The following STAG1 variants were observed in gnomAD, a reference collection of about 807,000 sequenced individuals.
STAG1 encodes the protein cohesin subunit SA-1.
In STAG1, 26 loss-of-function variants were observed where a neutral mutation model predicts 170.9. The ratio of observed to expected loss-of-function variants is 0.15; its 90% CI spans 0.11 to 0.21. The LOEUF (loss-of-function observed/expected upper bound fraction) is 0.21, where lower values mean the gene tolerates loss of function less well. STAG1 is among the 10% of genes least tolerant of loss of function. The pLI is 1.00. For missense variants in STAG1, 964 were observed against 1,509.5 expected, an observed-to-expected ratio of 0.64 and a Z score of 5.99; for synonymous variants, 514 against 497.7, an observed-to-expected ratio of 1.03 and a Z score of -0.44.
At chr3:136,391,167 G>A (rs2086998999) in intron 22 of STAG1, among the ~76,000 whole-genome samples, 2 of 152,056 alleles carry the variant, frequency 1.3e-5, no homozygotes, top group African/African-American at 4.8e-5. Flanking sequence ...TTTGAAATAG[G>A]GTGAGGGTCC....
chr3:136,667,593 C>G (rs1576739345), intron 1 of STAG1, among the ~76,000 whole-genome samples: 1 of 152,206 alleles, frequency 6.6e-6, no homozygotes, highest in East Asian at 1.9e-4. Context: ...GCCTCCCAAG[C>G]TCCAGTGATT....
In STAG1 at chr3:136,654,566, CT is replaced by C. The variant is rs1400460397; in HGVS notation, c.-83-23586del. Among the ~76,000 whole-genome samples the C allele has an allele frequency of 2.0e-5, 3 of 152,250 alleles. No homozygotes were observed. The East Asian group carries it at 5.8e-4, about 29-fold the overall frequency. On this transcript the variant is annotated intron_variant, in intron 1 of 33. Transcript: ENST00000383202. ...ATGTATCAATACTACCAAAAGCAGT[CT>C]GCAGATTCAATGCAAACCCTTTCAA...
intron 1 of STAG1, among the ~76,000 whole-genome samples, chr3:136,705,761 C>T (rs902007343): frequency 1.1e-4 from 17 of 152,264 alleles, no homozygotes; most frequent in African/African-American, 2.2e-4. Context: ...GTCAATTAAA[C>T]TTCTTTCCTT....
intron 2 of STAG1, among the ~76,000 whole-genome samples, chr3:136,628,521 G>C (rs574091601): frequency 3.9e-5 from 6 of 152,196 alleles, no homozygotes; most frequent in African/African-American, 1.4e-4. Context: ...CAGGGTCCTT[G>C]CATGACATAA....
chr3:136,704,422 TTAAAAG>T (rs973563905), intron 1 of STAG1, among the ~76,000 whole-genome samples: 3 of 151,802 alleles, frequency 2.0e-5, no homozygotes, highest in Admixed American at 1.3e-4. Flanking sequence ...CACATATAAC[TTAAAAG>T]TAAAAGGATG....
At chr3:136,726,498 A>C (rs1047472267) in intron 1 of STAG1, among the ~76,000 whole-genome samples, 1 of 152,218 alleles carries the variant, frequency 6.6e-6, no homozygotes, top group African/African-American at 2.4e-5. Context: ...ATCTCGGCTC[A>C]CTGCAACCTC....
At chr3:136,407,692 C>T (rs1239111990) in intron 21 of STAG1, among the ~76,000 whole-genome samples, 1 of 152,018 alleles carries the variant, frequency 6.6e-6, no homozygotes, top group East Asian at 1.9e-4. Flanking sequence ...GAACTCCTGA[C>T]CTCAGGTGAT....
chr3:136,696,893 G>A (rs1942911887), intron 1 of STAG1, among the ~76,000 whole-genome samples: 1 of 152,062 alleles, frequency 6.6e-6, no homozygotes, highest in Non-Finnish European at 1.5e-5. Flanking sequence ...GATCAAAAAG[G>A]GTATGAGGGA....
At chr3:136,610,208 T>C (rs1939200244) in intron 3 of STAG1, among the ~76,000 whole-genome samples, 1 of 152,066 alleles carries the variant, frequency 6.6e-6, no homozygotes, top group African/African-American at 2.4e-5. Context: ...AGCTAATCTT[T>C]GTATTCTTAG....
At chr3:136,465,491 G>T (rs1242417706) in intron 12 of STAG1, among the ~76,000 whole-genome samples, 2 of 138,478 alleles carry the variant, frequency 1.4e-5, no homozygotes, top group African/African-American at 5.4e-5. Flanking sequence ...AAAATGCTGG[G>T]ATTATAGGTG....
intron 5 of STAG1, among the ~76,000 whole-genome samples, chr3:136,566,096 AGAGAGAGGTGGTAACTG>A (rs1937066786): frequency 6.6e-6 from 1 of 152,186 alleles, no homozygotes; most frequent in Non-Finnish European, 1.5e-5. Flanking sequence ...TTTTGAGAAA[AGAGAGAGGTGGTAACTG>A]CTACAATGGA....
chr3:136,377,826 G>A (rs374906025), intron 22 of STAG1, 74 bp from the exon 23 acceptor site: 2 of 1,238,756 alleles, frequency 1.6e-6, no homozygotes, highest in Non-Finnish European at 2.4e-6. Flanking sequence ...AACAGTAAGT[G>A]GAAAATAGCA....
intron 1 of STAG1, among the ~76,000 whole-genome samples, chr3:136,645,718 T>C (rs2107850810): frequency 6.6e-6 from 1 of 152,306 alleles, no homozygotes; most frequent in South Asian, 2.1e-4. Context: ...AGAAATAGTC[T>C]CCTACACTCT....
At chr3:136,404,479 G>A (rs1021641897) in intron 21 of STAG1, among the ~76,000 whole-genome samples, 2 of 152,112 alleles carry the variant, frequency 1.3e-5, no homozygotes, top group Non-Finnish European at 2.9e-5. Context: ...GAATGACTGG[G>A]GAGAGCAATT....
intron 23 of STAG1, among the ~76,000 whole-genome samples, chr3:136,372,868 G>C (rs1443275583): frequency 5.3e-5 from 8 of 152,186 alleles, no homozygotes; most frequent in Non-Finnish European, 1.2e-4. Context: ...CTCATAAAAT[G>C]AGTTAGGGAG....
rs1336012973 is a variant in STAG1, at chr3:136,597,074, T to C, written c.297+7235A>G. On this transcript the variant is annotated intron_variant, in intron 4 of 33. Coordinates refer to ENST00000383202, the MANE Select transcript of STAG1 (RefSeq NM_005862.3). ...CTGCGCGACAGAGCGAGACTGTATC[T>C]TAAAAAAAAATTTTTTTTCAGAGTT... 2.6e-5 allele frequency among the ~76,000 whole-genome samples: 4 copies of C among 152,176 alleles called. No individual in the cohort carries two copies. In the East Asian group the frequency reaches 7.7e-4, roughly 29 times the overall value.
chr3:136,526,137 T>G (rs1261629167), intron 6 of STAG1, among the ~76,000 whole-genome samples: 1 of 152,174 alleles, frequency 6.6e-6, no homozygotes, highest in Non-Finnish European at 1.5e-5. Flanking sequence ...CTGAGTTCAA[T>G]TCCTGGATAT....
chr3:136,504,369 T>A (rs1247930776), intron 7 of STAG1, among the ~76,000 whole-genome samples: 1 of 152,228 alleles, frequency 6.6e-6, no homozygotes, highest in African/African-American at 2.4e-5. Flanking sequence ...GATTTTTGCA[T>A]TAGAAATGAA....
intron 22 of STAG1, among the ~76,000 whole-genome samples, chr3:136,386,133 T>G (rs863211): frequency 6.6e-6 from 1 of 152,038 alleles, no homozygotes; most frequent in African/African-American, 2.4e-5. Flanking sequence ...GTCAGGAGTT[T>G]GAGACCAGCC....
Sources: allele counts gnomAD v4.1 joint callset (sites outside exome capture counted in the v4.1 genomes callset), GRCh38; gene constraint gnomAD v4.1.1; transcripts MANE v1.5; gene names NCBI Gene and HGNC (gene_info 2026-07-23, HGNC 2026-07-21).